NCK1: variants seen among roughly 807,000 people sequenced by gnomAD.
The protein encoded by NCK1 is SH2/SH3 adapter protein NCK1.
A neutral mutation model predicts 36.6 loss-of-function variants in NCK1; 19 were observed. That is an observed-to-expected ratio of 0.52 (90% CI 0.36 to 0.76). The LOEUF is 0.76. NCK1 is among the 30% of genes least tolerant of loss of function. The probability of loss-of-function intolerance (pLI) is 0.00; values close to 1 mark genes in which losing one functional copy is unlikely to be tolerated. For missense variants in NCK1, 358 were observed against 445.6 expected, an observed-to-expected ratio of 0.80 and a Z score of 1.77; for synonymous variants, 165 against 156.0, an observed-to-expected ratio of 1.06 and a Z score of -0.43.
intron 2 of NCK1, among the ~76,000 whole-genome samples, chr3:136,934,195 T>G (rs1940464679): frequency 6.8e-6 from 1 of 146,220 alleles, no homozygotes; most frequent in African/African-American, 2.5e-5. Context: ...ATACTGGAGG[T>G]TTTTTTTTTT....
intron 1 of NCK1, among the ~76,000 whole-genome samples, chr3:136,906,790 G>C (rs942594331): frequency 6.6e-6 from 1 of 152,116 alleles, no homozygotes; most frequent in Non-Finnish European, 1.5e-5. Flanking sequence ...TGCCAGCTGT[G>C]GTGGTAGAGG....
intron 1 of NCK1, among the ~76,000 whole-genome samples, chr3:136,916,684 T>G (rs1300803989): frequency 6.6e-6 from 1 of 152,186 alleles, no homozygotes; most frequent in African/African-American, 2.4e-5. Flanking sequence ...AATATAATAA[T>G]TAGATTAGAA....
chr3:136,885,962 C>T (rs1008033901), intron 1 of NCK1, among the ~76,000 whole-genome samples: 2 of 152,118 alleles, frequency 1.3e-5, no homozygotes, highest in African/African-American at 4.8e-5. Flanking sequence ...CTGATCTGAA[C>T]GTGTACAAAA....
At chr3:136,929,267 T>C (rs540414443) in intron 2 of NCK1, among the ~76,000 whole-genome samples, 66 of 152,292 alleles carry the variant, frequency 4.3e-4, no homozygotes, top group African/African-American at 1.4e-3. Flanking sequence ...ATTGTTATTC[T>C]AGAATGTTCT....
intron 2 of NCK1, among the ~76,000 whole-genome samples, chr3:136,936,110 A>G (rs6782716): frequency 0.68 from 102,334 of 149,640 alleles, 35,190 homozygotes; most frequent in East Asian, 0.87. Context: ...ACGTGATCTC[A>G]GCTCACTGCA....
At chr3:136,867,053 T>G (rs201946585) in intron 1 of NCK1, among the ~76,000 whole-genome samples, 1 of 98,626 alleles carries the variant, frequency 1.0e-5, no homozygotes, top group Admixed American at 1.0e-4. Context: ...CTTGCTTTTC[T>G]TTCTTTCTTT....
At chr3:136,896,451 C>T (rs1442802391) in intron 1 of NCK1, among the ~76,000 whole-genome samples, 1 of 152,158 alleles carries the variant, frequency 6.6e-6, no homozygotes, top group Non-Finnish European at 1.5e-5. Flanking sequence ...ATCCATGTTG[C>T]TGCAAATGAC....
intron 2 of NCK1, among the ~76,000 whole-genome samples, chr3:136,941,382 G>A (rs1940673173): frequency 6.6e-6 from 1 of 151,722 alleles, no homozygotes; most frequent in Non-Finnish European, 1.5e-5. Context: ...CGCCCACCTT[G>A]GCCTCCCAAA....
At chr3:136,944,446 T>C (rs1023747356) in intron 2 of NCK1, among the ~76,000 whole-genome samples, 6 of 152,172 alleles carry the variant, frequency 3.9e-5, no homozygotes, top group Admixed American at 3.9e-4. Context: ...AAGAGTGGTA[T>C]AGTTTATTCT....
chr3:136,912,671 A>C (rs1206040959), intron 1 of NCK1, among the ~76,000 whole-genome samples: 2 of 149,694 alleles, frequency 1.3e-5, no homozygotes, highest in Non-Finnish European at 3.0e-5. Flanking sequence ...TTTTTAAGAC[A>C]GGGTCTCAGT....
rs1174632345 is a variant in NCK1, at chr3:136,862,314, C to T, written c.-58C>T. On this transcript the variant is annotated 5_prime_UTR_variant, in exon 1 of 4. Coordinates refer to ENST00000481752, the MANE Select transcript of NCK1 (RefSeq NM_001291999.2). ...GGCCGCAGTGGCGTCCTGGAGCCCT[C>T]CTCAGGTGAGCTGGAGCTGCCCGGC... 2 of 152,914 alleles carry T rather than the reference C, an allele frequency of 1.3e-5. No individual in the cohort carries two copies. Among genetic ancestry groups the T allele is most frequent in the Non-Finnish European group, 1.5e-5 (1 of 68,398 alleles). 9.5% of individuals were successfully genotyped at this position (152,914 alleles called of 1,614,324 possible).
At chr3:136,915,827 G>A (rs940121967) in intron 1 of NCK1, among the ~76,000 whole-genome samples, 1 of 151,984 alleles carries the variant, frequency 6.6e-6, no homozygotes, top group South Asian at 2.1e-4. Flanking sequence ...CCAGGTTCAA[G>A]CAATTCTCCT....
chr3:136,932,602 A>C (rs1940422486), intron 2 of NCK1, among the ~76,000 whole-genome samples: 1 of 152,238 alleles, frequency 6.6e-6, no homozygotes, highest in Non-Finnish European at 1.5e-5. Context: ...CTGTTCCCAG[A>C]CATATCACTT....
chr3:136,946,378 G>A (rs1158119574), intron 3 of NCK1, 83 bp downstream of exon 3: 4 of 1,247,206 alleles, frequency 3.2e-6, no homozygotes, highest in Non-Finnish European at 4.5e-6. Context: ...AGGTTAAGTG[G>A]CTTCCCTAAA....
intron 1 of NCK1, among the ~76,000 whole-genome samples, chr3:136,876,846 C>T (rs999285390): frequency 6.6e-6 from 1 of 152,072 alleles, no homozygotes; most frequent in African/African-American, 2.4e-5. Flanking sequence ...CCCTTCCTGC[C>T]TAAGATCAAT....
At chr3:136,929,843 T>C (rs1427158015) in intron 2 of NCK1, among the ~76,000 whole-genome samples, 4 of 152,200 alleles carry the variant, frequency 2.6e-5, no homozygotes, top group Non-Finnish European at 5.9e-5. Context: ...TATTAGGTAT[T>C]ACTGTATGTA....
At chr3:136,901,028 G>A (rs1006435467) in intron 1 of NCK1, among the ~76,000 whole-genome samples, 3 of 152,144 alleles carry the variant, frequency 2.0e-5, no homozygotes, top group Non-Finnish European at 2.9e-5. Context: ...TCCCCATTCA[G>A]TATGATGTTA....
chr3:136,924,579 G>A (rs182086706), intron 1 of NCK1, among the ~76,000 whole-genome samples: 2 of 152,300 alleles, frequency 1.3e-5, no homozygotes, highest in Admixed American at 1.3e-4. Flanking sequence ...TGTTGCAGGA[G>A]TTCTTAATAA....
At chr3:136,873,555 A>G (rs936560492) in intron 1 of NCK1, among the ~76,000 whole-genome samples, 1 of 152,134 alleles carries the variant, frequency 6.6e-6, no homozygotes, top group Non-Finnish European at 1.5e-5. Flanking sequence ...TTGGGAAGGC[A>G]TGATTGGTTT....
Sources: allele counts gnomAD v4.1 joint callset (sites outside exome capture counted in the v4.1 genomes callset), GRCh38; gene constraint gnomAD v4.1.1; transcripts MANE v1.5; gene names NCBI Gene and HGNC (gene_info 2026-07-23, HGNC 2026-07-21).